GNLY: variants seen among roughly 807,000 people sequenced by gnomAD.
GNLY encodes T-cell activation protein 519.
A neutral mutation model predicts 18.5 loss-of-function variants in GNLY; 15 were observed. The observed-to-expected ratio is 0.81, with a 90% CI of 0.54 to 1.25. The LOEUF is 1.25. GNLY is among the 50% of genes most tolerant of loss of function. The pLI is 0.00. For synonymous variants in GNLY, 77 were observed against 74.9 expected (o/e 1.03, Z -0.14); for missense variants, 178 against 186.9 (o/e 0.95, Z 0.28).
chr2:85,694,890 GC>G, intron 1 of GNLY: 1 of 1,548,652 alleles, frequency 6.5e-7, no homozygotes. Flanking sequence ...CAGACTTCCT[GC>G]CCCCTGCACC....
Position 85,698,268 on chromosome 2 carries a change from C to G in GNLY, c.428-296C>G, listed in dbSNP as rs565710675. 879 of 634,044 alleles carry G rather than the reference C, an allele frequency of 1.4e-3. 16 individuals carry two copies. The highest frequency in any genetic ancestry group is 0.013 in the South Asian group (857 of 63,910). 39.3% of individuals were successfully genotyped at this position (634,044 alleles called of 1,614,324 possible). A position where few individuals can be genotyped will look rare whatever the true frequency, so the allele number is the denominator to read the frequency against. The stretch of plus-strand genomic sequence containing the variant: ...CAGATCTCGGCTGTAGGAAATGGGG[C>G]CAGAAAGGGGCCTCGGTGATTGGCT... On this transcript the variant is annotated intron_variant, in intron 4 of 4. Transcript: ENST00000263863.
chr2:85,697,631 T>C lies in GNLY; in HGVS notation c.381T>C (p.Thr127=), dbSNP rs576061795. Residue 127 remains threonine, a synonymous_variant, in exon 4 of 5, where the codon ACT becomes ACC. Transcript: ENST00000263863. ...RVTQGLVAGE[T]AQQICEDLRL... is the part of the protein sequence containing the mutation. The stretch of plus-strand genomic sequence containing the variant: ...CCCAGGGCCTCGTGGCCGGAGAAAC[T>C]GCCCAGCAGATCTGTGAGGACCTCA... 5.0e-6 allele frequency: 8 copies of C among 1,613,796 alleles called. No homozygotes were observed. In the Admixed American group the frequency reaches 1.3e-4, roughly 27 times the overall value.
intron 1 of GNLY, chr2:85,695,044 CA>C: frequency 6.5e-7 from 1 of 1,531,708 alleles, no homozygotes; most frequent in South Asian, 1.2e-5. Flanking sequence ...AGTTTCTAGA[CA>C]AACCGACCCC....
Position 85,696,043 on chromosome 2 carries a change from A to G in GNLY, c.242A>G (p.Asp81Gly), listed in dbSNP as rs572625963. The change falls in exon 3 of 5, where the codon GAT becomes GGT. Residue 81 changes from aspartate to glycine, a missense_variant. Physicochemically the swap from Asp to Gly is moderately conservative, Grantham distance 94. Transcript: ENST00000263863. The part of the protein sequence containing the change: ...TIVQKLKKMV[D>G]KPTQRSVSNA... Reference sequence around the variant, plus strand: ...GTCCAAAAACTGAAGAAGATGGTGGATAAGCCCACCCAGGTGAGGCCAAGG... The same window carrying G: ...GTCCAAAAACTGAAGAAGATGGTGGGTAAGCCCACCCAGGTGAGGCCAAGG... The G allele has an allele frequency of 1.3e-6, 2 of 1,592,006 alleles. No individual in the cohort carries two copies. The highest frequency in any genetic ancestry group is 1.3e-5 in the African/African-American group (1 of 74,604).
chr2:85,697,403 C>T (rs890400073), intron 3 of GNLY, 103 bp from the exon 4 acceptor site: 10 of 1,012,604 alleles, frequency 9.9e-6, no homozygotes, highest in East Asian at 2.4e-5. Context: ...GCCAGCTCCT[C>T]GCACCCAGTA....
In GNLY at chr2:85,694,458, C is replaced by T; in HGVS notation, c.40C>T (p.Leu14=). The change falls in exon 1 of 5, where the codon CTG becomes TTG. Residue 14 remains leucine (L), a synonymous_variant. Transcript: ENST00000263863. Reference sequence around the variant, plus strand: ...CCTCCTGCTCCTTGCAGCCATGCTCCTGGGCAACCCAGGTAAGGCCTTCCC... The same window carrying T: ...CCTCCTGCTCCTTGCAGCCATGCTCTTGGGCAACCCAGGTAAGGCCTTCCC... The part of the protein sequence containing the change: ...WALLLLAAML[L]GNPGLVFSRL... 6.2e-7 allele frequency: 1 copy of T among 1,614,112 alleles called. No homozygotes were observed. The highest frequency in any genetic ancestry group is 2.2e-5 in the East Asian group (1 of 44,880).
At chr2:85,698,411 C>A in intron 4 of GNLY, 153 bp from the exon 5 acceptor site, 1 of 1,299,032 alleles carries the variant, frequency 7.7e-7, no homozygotes, top group Non-Finnish European at 1.1e-6. Flanking sequence ...CCACAACCTG[C>A]TCAGGCTGCC....
In GNLY at chr2:85,698,709, C is replaced by T; in HGVS notation, c.*135C>T. On this transcript the variant is annotated 3_prime_UTR_variant, in exon 5 of 5. Transcript: ENST00000263863. ...AGTCTCCCTCCCCTGACTCCCTCTGCTGTCCTCCCCTCTCACGAGAATAAA... is the reference window on the plus strand; with the variant it reads ...AGTCTCCCTCCCCTGACTCCCTCTGTTGTCCTCCCCTCTCACGAGAATAAA... The T allele has an allele frequency of 6.3e-7, 1 of 1,584,626 alleles. No homozygotes were observed. Among genetic ancestry groups the T allele is most frequent in the Non-Finnish European group, 8.6e-7 (1 of 1,169,182 alleles).
Position 85,696,064 on chromosome 2 carries a change from C to G in GNLY, c.255+8C>G. 6.7e-7 allele frequency: 1 copy of G among 1,481,770 alleles called. No homozygotes were observed. Among genetic ancestry groups the G allele is most frequent in the Non-Finnish European group, 9.4e-7 (1 of 1,061,870 alleles). 91.8% of individuals were successfully genotyped at this position (1,481,770 alleles called of 1,614,324 possible). Reference sequence around the variant, plus strand: ...GTGGATAAGCCCACCCAGGTGAGGCCAAGGGGCTACAGAGCCTCCTGTCTG... The same window carrying G: ...GTGGATAAGCCCACCCAGGTGAGGCGAAGGGGCTACAGAGCCTCCTGTCTG... On this transcript the variant is annotated splice_region_variant and intron_variant, in intron 3 of 4. Coordinates refer to ENST00000263863, the MANE Select transcript of GNLY (RefSeq NM_006433.5).
chr2:85,696,093 C>T (rs376808749), intron 3 of GNLY, 37 bp downstream of exon 3: 5 of 1,192,502 alleles, frequency 4.2e-6, no homozygotes, highest in Non-Finnish European at 6.2e-6. Flanking sequence ...CTGTCTGCTG[C>T]TCAATGGAGG....
At chr2:85,695,665 C>T (rs1678414252) in intron 2 of GNLY, among the ~76,000 whole-genome samples, 1 of 152,132 alleles carries the variant, frequency 6.6e-6, no homozygotes, top group Admixed American at 6.5e-5. Context: ...GCTGCAGAAC[C>T]CAAATAGGCA....
rs1221142225 is a variant in GNLY at position 85,698,778 on chromosome 2, A to C, written c.*204A>C. 3 of 1,505,206 alleles carry C rather than the reference A, an allele frequency of 2.0e-6. No individual in the cohort carries two copies. Among genetic ancestry groups the C allele is most frequent in the Non-Finnish European group, 2.7e-6 (3 of 1,128,556 alleles). 93.2% of individuals were successfully genotyped at this position (1,505,206 alleles called of 1,614,324 possible). A position where few individuals can be genotyped will look rare whatever the true frequency, so the allele number is the denominator to read the frequency against. On this transcript the variant is annotated 3_prime_UTR_variant, in exon 5 of 5. Coordinates refer to ENST00000263863, the MANE Select transcript of GNLY (RefSeq NM_006433.5). ...GCCGCAGCTGCTTCTTCTTTGGTGG[A>C]TTTGAGGGGTGGGTGTCAGTGGCAT...
intron 3 of GNLY, chr2:85,697,262 G>A (rs1223439592): frequency 3.2e-5 from 16 of 498,734 alleles, no homozygotes; most frequent in Middle Eastern, 5.4e-4. Flanking sequence ...TGCACAAGGC[G>A]CTGAGACCCC....
Position 85,698,553 on chromosome 2 carries a change from C to A in GNLY, c.428-11C>A, listed in dbSNP as rs908503524. 7 of 1,613,130 alleles carry A rather than the reference C, an allele frequency of 4.3e-6. No homozygotes were observed. Among genetic ancestry groups the A allele is most frequent in the Non-Finnish European group, 5.9e-6 (7 of 1,179,314 alleles). On this transcript the variant is annotated splice_polypyrimidine_tract_variant and intron_variant, in intron 4 of 4. Coordinates refer to ENST00000263863, the MANE Select transcript of GNLY (RefSeq NM_006433.5). ...ACATCTGCCCACAGCTGGCTGTTCT[C>A]TCCTCTCCAGGTCCCCTCTGAGCCC... is the stretch of plus-strand genomic sequence containing the variant.
At chr2:85,696,566 A>C (rs370795171) in intron 3 of GNLY, 7 of 143,746 alleles carry the variant, frequency 4.9e-5, no homozygotes, top group African/African-American at 1.9e-4. Flanking sequence ...TTGAGATAGG[A>C]TCTTACTCTG....
chr2:85,697,735 G>A, intron 4 of GNLY, 58 bp downstream of exon 4: 1 of 1,244,330 alleles, frequency 8.0e-7, no homozygotes, highest in South Asian at 1.2e-5. Flanking sequence ...GCTTCCCCCA[G>A]GATATATCAA....
At chr2:85,696,117 C>T (rs1361610620) in intron 3 of GNLY, 61 bp downstream of exon 3, 1 of 987,860 alleles carries the variant, frequency 1.0e-6, no homozygotes, top group African/African-American at 1.6e-5. Context: ...CAGCCTGTGA[C>T]CAGGTCGGGG....
At position 85,695,438 on chromosome 2, in the gene GNLY, T is replaced by A. The variant is rs75686390; in HGVS notation, c.156+15T>A. On this transcript the variant is annotated intron_variant, in intron 2 of 4. Coordinates refer to ENST00000263863, the MANE Select transcript of GNLY (RefSeq NM_006433.5). The stretch of plus-strand genomic sequence containing the variant: ...AGGGCCCCCAGGTACGTGTTGGCTC[T>A]CTGCTCACCTGCCACAGTCCCTCTC... 3 of 1,443,296 alleles carry A rather than the reference T, an allele frequency of 2.1e-6. No homozygotes were observed. The Admixed American group carries it at 5.0e-5, about 24-fold the overall frequency. 89.4% of individuals were successfully genotyped at this position (1,443,296 alleles called of 1,614,324 possible).
At position 85,696,171 on chromosome 2, in the gene GNLY, G is replaced by A. The variant is rs1327084875; in HGVS notation, c.255+115G>A. The A allele has an allele frequency of 4.8e-6, 3 of 626,166 alleles. No individual in the cohort carries two copies. The East Asian group carries it at 8.2e-5, about 17-fold the overall frequency. 38.8% of individuals were successfully genotyped at this position (626,166 alleles called of 1,614,324 possible). On this transcript the variant is annotated intron_variant, in intron 3 of 4. Transcript: ENST00000263863. Reference sequence around the variant, plus strand: ...ACCTTGCACAGTGATCCTGGGGGAGGGCTTCCTAGAAGGGAATCTGTGAGT... The same window carrying A: ...ACCTTGCACAGTGATCCTGGGGGAGAGCTTCCTAGAAGGGAATCTGTGAGT...
Sources: gnomAD v4.1 joint callset for allele counts (sites outside exome capture counted in the v4.1 genomes callset) on GRCh38, gnomAD v4.1.1 for gene constraint, MANE v1.5 for transcripts, NCBI Gene and HGNC (gene_info 2026-07-23, HGNC 2026-07-21) for gene names.